Variants in ROBO2 observed in about 807,000 individuals in gnomAD.
ROBO2 encodes the protein roundabout guidance receptor 2, also known as roundabout homolog 2.
A neutral mutation model predicts 160.8 loss-of-function variants in ROBO2; 53 were observed. That is an observed-to-expected ratio of 0.33 (90% CI 0.26 to 0.41). The LOEUF (loss-of-function observed/expected upper bound fraction) is 0.41, where lower values mean the gene tolerates loss of function less well. Ranked by LOEUF, ROBO2 falls within the 10% of genes least tolerant of loss-of-function variation. The probability of loss-of-function intolerance (pLI) is 1.00; values close to 1 mark genes in which losing one functional copy is unlikely to be tolerated. For missense variants in ROBO2, 1,577 were observed against 1,722.4 expected (o/e 0.92, Z 1.49); for synonymous variants, 664 against 611.7 (o/e 1.09, Z -1.26).
At chr3:77,320,799 A>AT (rs1176036092) in intron 2 of ROBO2, among the ~76,000 whole-genome samples, 3 of 152,134 alleles carry the variant, frequency 2.0e-5, no homozygotes, top group African/African-American at 7.2e-5. Context: ...AAAAAAATAT[A>AT]TTTTTTGTTA....
chr3:76,677,993 A>G (rs28488429), intron 2 of ROBO2, among the ~76,000 whole-genome samples: 31,460 of 63,986 alleles, frequency 0.49, 9,741 homozygotes, highest in East Asian at 0.76. Flanking sequence ...TTTTTGAGAT[A>G]GAGTCTTGCT....
In ROBO2 at chr3:77,304,418, AT is replaced by A. The variant is rs999813649; in HGVS notation, c.389-172995del. Among the ~76,000 whole-genome samples, 16 of 152,274 alleles carry A rather than the reference AT, an allele frequency of 1.1e-4. No individual in the cohort carries two copies. In the East Asian group the frequency reaches 3.1e-3, roughly 29 times the overall value. On this transcript the variant is annotated intron_variant, in intron 2 of 25. Transcript: ENST00000461745. The stretch of plus-strand genomic sequence containing the variant: ...TGGCTTGAGAAAGGCAGAGTCAAAT[AT>A]GTCTCTTGGGGCCCAGTCGGCCACA...
intron 2 of ROBO2, among the ~76,000 whole-genome samples, chr3:76,214,711 G>A (rs948070403): frequency 1.3e-5 from 2 of 152,238 alleles, no homozygotes; most frequent in African/African-American, 4.8e-5. Context: ...AGGCCTGCCT[G>A]CCTCTGTAGG....
chr3:77,468,207 T>A (rs531521713), intron 2 of ROBO2, among the ~76,000 whole-genome samples: 2 of 152,198 alleles, frequency 1.3e-5, no homozygotes, highest in Non-Finnish European at 2.9e-5. Flanking sequence ...GCTATGCAGA[T>A]CCCTGTCAAA....
intron 19 of ROBO2, among the ~76,000 whole-genome samples, chr3:77,600,789 T>C (rs2094414916): frequency 6.6e-6 from 1 of 152,210 alleles, no homozygotes; most frequent in African/African-American, 2.4e-5. Flanking sequence ...GAATGCAGTA[T>C]GCTTAACATC....
intron 1 of ROBO2, among the ~76,000 whole-genome samples, chr3:77,092,794 A>T (rs2070486962): frequency 6.6e-6 from 1 of 150,544 alleles, no homozygotes; most frequent in African/African-American, 2.4e-5. Context: ...ATCTGTTCTA[A>T]TAGGAATCTT....
At chr3:76,674,473 C>T (rs924539309) in intron 2 of ROBO2, among the ~76,000 whole-genome samples, 2 of 151,960 alleles carry the variant, frequency 1.3e-5, no homozygotes, top group Admixed American at 6.6e-5. Context: ...CCAAGGGAAC[C>T]CAGCTGGACC....
chr3:77,006,270 A>G (rs1378689279), intron 2 of ROBO2, among the ~76,000 whole-genome samples: 2 of 151,392 alleles, frequency 1.3e-5, no homozygotes, highest in East Asian at 3.9e-4. Flanking sequence ...TATAATGTAT[A>G]TACTGGCCAA....
At chr3:77,191,936 C>G (rs571433085) in intron 2 of ROBO2, among the ~76,000 whole-genome samples, 1 of 152,236 alleles carries the variant, frequency 6.6e-6, no homozygotes, top group East Asian at 1.9e-4. Context: ...AACACTTTCC[C>G]TTTAAATGTA....
chr3:76,176,073 C>G (rs1430821487), intron 2 of ROBO2, among the ~76,000 whole-genome samples: 1 of 151,888 alleles, frequency 6.6e-6, no homozygotes, highest in African/African-American at 2.4e-5. Context: ...CAATAAAATC[C>G]ATGTGTCCTT....
intron 2 of ROBO2, among the ~76,000 whole-genome samples, chr3:76,851,332 A>G (rs1476593112): frequency 6.6e-6 from 1 of 152,234 alleles, no homozygotes; most frequent in South Asian, 2.1e-4. Context: ...CAATTAGAAC[A>G]TATTCCCATC....
chr3:76,455,003 G>GA (rs946821447), intron 2 of ROBO2, among the ~76,000 whole-genome samples: 8 of 151,868 alleles, frequency 5.3e-5, no homozygotes, highest in African/African-American at 1.4e-4. Context: ...GTATAAAAAG[G>GA]AAAAAAATTG....
At chr3:76,132,818 G>C (rs2071279074) in intron 2 of ROBO2, among the ~76,000 whole-genome samples, 2 of 152,078 alleles carry the variant, frequency 1.3e-5, no homozygotes, top group South Asian at 4.1e-4. Flanking sequence ...TGAATAAGAA[G>C]AGACAAGGTT....
chr3:77,507,556 G>A (rs960547524), intron 5 of ROBO2, among the ~76,000 whole-genome samples: 10 of 152,158 alleles, frequency 6.6e-5, no homozygotes, highest in African/African-American at 2.4e-4. Flanking sequence ...TTGTGGATGT[G>A]ATCCCTAAAG....
chr3:77,043,264 A>G (rs1333597603), intron 1 of ROBO2, among the ~76,000 whole-genome samples: 11 of 152,210 alleles, frequency 7.2e-5, no homozygotes, highest in African/African-American at 2.7e-4. Context: ...TATACTCCAC[A>G]TGAATTTCAA....
intron 2 of ROBO2, among the ~76,000 whole-genome samples, chr3:76,704,268 G>C (rs1167822676): frequency 6.6e-6 from 1 of 152,106 alleles, no homozygotes; most frequent in African/African-American, 2.4e-5. Flanking sequence ...AAGTGAGAGT[G>C]TGAACATTCA....
chr3:77,464,577 C>T (rs1005999808), intron 2 of ROBO2, among the ~76,000 whole-genome samples: 1 of 152,124 alleles, frequency 6.6e-6, no homozygotes, highest in Non-Finnish European at 1.5e-5. Context: ...GCCTGAATTT[C>T]CTGGAACTGT....
chr3:77,264,306 T>A (rs559743918), intron 2 of ROBO2, among the ~76,000 whole-genome samples: 14 of 152,290 alleles, frequency 9.2e-5, no homozygotes, highest in African/African-American at 3.4e-4. Context: ...CTTTTCACCT[T>A]TGTTGGTCTT....
At chr3:76,180,009 C>A (rs549567244) in intron 2 of ROBO2, among the ~76,000 whole-genome samples, 4 of 152,116 alleles carry the variant, frequency 2.6e-5, no homozygotes, top group Non-Finnish European at 5.9e-5. Context: ...CGTGCCATTG[C>A]TTCTGCTGCT....
Sources: allele counts gnomAD v4.1 joint callset (sites outside exome capture counted in the v4.1 genomes callset), GRCh38; gene constraint gnomAD v4.1.1; transcripts MANE v1.5; gene names NCBI Gene and HGNC (gene_info 2026-07-23, HGNC 2026-07-21).